The following PRRC2C variants were observed in gnomAD, a reference collection of about 807,000 sequenced individuals.
PRRC2C encodes the protein proline rich coiled-coil 2C.
In PRRC2C, 72 loss-of-function variants were observed where a neutral mutation model predicts 317.2. That is an observed-to-expected ratio of 0.23 (90% CI 0.19 to 0.28). The LOEUF is 0.28. Ranked by LOEUF, PRRC2C falls within the 10% of genes least tolerant of loss-of-function variation. The probability of loss-of-function intolerance (pLI) is 1.00; values close to 1 mark genes in which losing one functional copy is unlikely to be tolerated. For missense variants in PRRC2C, 3,074 were observed against 3,459.7 expected (o/e 0.89, Z 2.80); for synonymous variants, 1,296 against 1,205.9 (o/e 1.07, Z -1.55).
chr1:171,589,764 T>TC (rs1354713801), intron 34 of PRRC2C, among the ~76,000 whole-genome samples, 159 bp downstream of exon 34: 4 of 152,076 alleles, frequency 2.6e-5, no homozygotes, highest in East Asian at 3.9e-4. Context: ...TTCTTTTTTT[T>TC]CCCCCATTCC....
intron 19 of PRRC2C, among the ~76,000 whole-genome samples, chr1:171,559,713 G>T (rs1364610503): frequency 6.6e-6 from 1 of 151,748 alleles, no homozygotes; most frequent in Non-Finnish European, 1.5e-5. Flanking sequence ...TAGAGACGGG[G>T]TTTTGCCATG....
chr1:171,494,118 A>G (rs912364172), intron 1 of PRRC2C, among the ~76,000 whole-genome samples: 2 of 152,262 alleles, frequency 1.3e-5, no homozygotes, highest in African/African-American at 4.8e-5. Context: ...AAAATACATA[A>G]GTTGTTAAAA....
chr1:171,507,457 A>C (rs1182281915), intron 1 of PRRC2C, among the ~76,000 whole-genome samples: 1 of 152,062 alleles, frequency 6.6e-6, no homozygotes, highest in Non-Finnish European at 1.5e-5. Flanking sequence ...CTAAAAATAC[A>C]AAAATTAGCC....
At chr1:171,583,616 T>C (rs890084566) in intron 28 of PRRC2C, among the ~76,000 whole-genome samples, 2 of 152,240 alleles carry the variant, frequency 1.3e-5, no homozygotes, top group African/African-American at 4.8e-5. Context: ...CATAATTCTT[T>C]TTATCAGTAT....
At position 171,575,009 on chromosome 1, in the gene PRRC2C, T is replaced by A. The variant is rs755397754; in HGVS notation, c.6836T>A (p.Ile2279Asn). 2 of 1,613,910 alleles carry A rather than the reference T, an allele frequency of 1.2e-6. No homozygotes were observed. The highest frequency in any genetic ancestry group is 8.5e-7 in the Non-Finnish European group (1 of 1,179,852). ...CCAGTAACTTCCACAGCACCTCCAA[T>A]TGCAACTGGAGTCAGCAGTAGTGCC... is the stretch of plus-strand genomic sequence containing the variant. ...GSPVTSTAPP[I>N]ATGVSSSASG... Residue 2279 changes from isoleucine to asparagine, a missense_variant, in exon 25 of 35, where the codon ATT (isoleucine) becomes AAT (asparagine). This residue lies in a region of PRRC2C where 490 missense variants were observed against 663.1 expected (regional missense o/e 0.74). Transcript: ENST00000647382.
Position 171,542,022 on chromosome 1 carries a change from C to T in PRRC2C, c.4556C>T (p.Ala1519Val), listed in dbSNP as rs367775523. Reference protein sequence around the residue: ...ERRERDEKKNADLNAQTVVKV... With the variant: ...ERRERDEKKNVDLNAQTVVKV... ...CGAGAGAGGGATGAAAAAAAAAATG[C>T]TGACTTGAATGCACAAACAGTTGTA... The change falls in exon 16 of 35, where the codon GCT becomes GTT. Residue 1519 changes from alanine to valine, a missense_variant. By Grantham distance (64) the Ala-to-Val change is moderately conservative (BLOSUM62 0). Transcript: ENST00000647382. The T allele has an allele frequency of 1.9e-6, 3 of 1,613,640 alleles. No individual in the cohort carries two copies. The highest frequency in any genetic ancestry group is 2.5e-6 in the Non-Finnish European group (3 of 1,179,820).
At chr1:171,559,524 T>G (rs1346951230) in intron 19 of PRRC2C, among the ~76,000 whole-genome samples, 5 of 138,790 alleles carry the variant, frequency 3.6e-5, no homozygotes, top group Non-Finnish European at 6.2e-5. Context: ...TTTTTTTTTT[T>G]TTTTTTTTTT....
chr1:171,555,176 T>C (rs1681123148), intron 18 of PRRC2C, among the ~76,000 whole-genome samples: 1 of 152,196 alleles, frequency 6.6e-6, no homozygotes, highest in African/African-American at 2.4e-5. Context: ...TACTCTTTTT[T>C]CTCTAAACTT....
intron 1 of PRRC2C, among the ~76,000 whole-genome samples, chr1:171,487,117 T>G (rs1267888491): frequency 6.6e-6 from 1 of 152,234 alleles, no homozygotes; most frequent in Non-Finnish European, 1.5e-5. Context: ...GTGGCTGTTC[T>G]CCATTAGGTG....
chr1:171,508,888 T>C (rs1571659026), intron 1 of PRRC2C, among the ~76,000 whole-genome samples: 1 of 152,202 alleles, frequency 6.6e-6, no homozygotes, highest in African/African-American at 2.4e-5. Context: ...TTTTTCTTTT[T>C]CTTTTTCCTT....
intron 1 of PRRC2C, 55 bp from the exon 2 acceptor site, chr1:171,511,977 A>G (rs966710901): frequency 1.8e-6 from 1 of 552,020 alleles, no homozygotes; most frequent in Non-Finnish European, 3.2e-6. Flanking sequence ...TTCTGTGAAC[A>G]TTTGAATTTA....
At chr1:171,522,550 G>T in intron 7 of PRRC2C, 1 of 180,652 alleles carries the variant, frequency 5.5e-6, no homozygotes, top group Non-Finnish European at 1.2e-5. Flanking sequence ...TGGGCGATTC[G>T]CCTGAGGTCA....
intron 34 of PRRC2C, among the ~76,000 whole-genome samples, chr1:171,590,097 T>C (rs919260730): frequency 4.6e-5 from 7 of 152,162 alleles, no homozygotes; most frequent in Non-Finnish European, 7.4e-5. Flanking sequence ...ATGGGTAAGA[T>C]GTGTTACTAT....
At chr1:171,585,091 GT>G (rs903008900) in intron 30 of PRRC2C, among the ~76,000 whole-genome samples, 3 of 150,020 alleles carry the variant, frequency 2.0e-5, no homozygotes, top group East Asian at 2.0e-4. Context: ...TTTGTTTTTT[GT>G]TTTTTTTTAA....
intron 1 of PRRC2C, among the ~76,000 whole-genome samples, chr1:171,508,462 C>T (rs1166402734): frequency 3.9e-5 from 6 of 152,140 alleles, no homozygotes; most frequent in Admixed American, 3.9e-4. Flanking sequence ...ATATATTAAA[C>T]CAATCTTGCA....
In PRRC2C at chr1:171,541,215, G is replaced by T. The variant is rs542365237; in HGVS notation, c.3749G>T (p.Ser1250Ile). 3 of 1,613,404 alleles carry T rather than the reference G, an allele frequency of 1.9e-6. No homozygotes were observed. Among genetic ancestry groups the T allele is most frequent in the African/African-American group, 1.3e-5 (1 of 74,852 alleles). The change falls in exon 16 of 35, where the codon AGC becomes ATC. Residue 1250 changes from serine (S) to isoleucine (I), a missense_variant. Physicochemically the swap from Ser to Ile is moderately radical, Grantham distance 142. This residue lies in a region of PRRC2C where 1,320 missense variants were observed against 1,395.7 expected (regional missense o/e 0.95). Transcript: ENST00000647382. This position sits in a 1 kb window ranked among gnomAD's most constrained non-coding sequence, Gnocchi z 4.1. ...QREESETRSE[S>I]SDFEVVPKRR... is the part of the protein sequence containing the mutation. ...GAAGAAAGTGAAACACGGAGTGAGAGCTCTGATTTTGAAGTTGTCCCCAAA... is the reference window on the plus strand; with the variant it reads ...GAAGAAAGTGAAACACGGAGTGAGATCTCTGATTTTGAAGTTGTCCCCAAA...
intron 3 of PRRC2C, chr1:171,513,450 A>G (rs754877329): frequency 7.2e-5 from 38 of 528,326 alleles, no homozygotes; most frequent in South Asian, 5.5e-4. Context: ...CCACCAACTC[A>G]GGTATTCCCT....
intron 1 of PRRC2C, chr1:171,511,263 G>A (rs1671330923): frequency 6.6e-6 from 1 of 152,130 alleles, no homozygotes; most frequent in Admixed American, 6.5e-5. Context: ...AAGGGAAATA[G>A]CATGAGACAT....
In PRRC2C at chr1:171,540,613, T is replaced by A; in HGVS notation, c.3147T>A (p.Val1049=). ...CCGAAAAGGTCACTGAAAAAGTAGT[T>A]GTAAAGCCTGAAAAGACGGAAAAGA... ...EKAEKVTEKV[V]VKPEKTEKKD... is the part of the protein sequence containing the mutation. Residue 1049 remains valine, a synonymous_variant, in exon 16 of 35, where the codon GTT becomes GTA. Transcript: ENST00000647382. 6.2e-7 allele frequency: 1 copy of A among 1,613,854 alleles called. No individual in the cohort carries two copies. Among genetic ancestry groups the A allele is most frequent in the South Asian group, 1.1e-5 (1 of 91,072 alleles).
Sources: allele counts gnomAD v4.1 joint callset (sites outside exome capture counted in the v4.1 genomes callset), GRCh38; gene constraint gnomAD v4.1.1; regional missense constraint gnomAD v4.1.1; non-coding constraint Gnocchi (gnomAD v3.1); transcripts MANE v1.5; gene names NCBI Gene and HGNC (gene_info 2026-07-23, HGNC 2026-07-21).